The following CLDN16 variants were observed in gnomAD, a reference collection of about 807,000 sequenced individuals.
CLDN16 encodes the protein claudin-16.
A neutral mutation model predicts 24.6 loss-of-function variants in CLDN16; 13 were observed. That is an observed-to-expected ratio of 0.53 (90% CI 0.34 to 0.84). CLDN16 has a LOEUF of 0.84. Ranked by LOEUF, CLDN16 falls within the 40% of genes least tolerant of loss-of-function variation. CLDN16 has a pLI of 0.01. For synonymous variants in CLDN16, 116 were observed against 106.7 expected (o/e 1.09, Z -0.54); for missense variants, 298 against 292.7 (o/e 1.02, Z -0.13).
the CLDN16 span, among the ~76,000 whole-genome samples, chr3:190,296,842 G>A: frequency 4.6e-5 from 7 of 152,202 alleles, no homozygotes; most frequent in East Asian, 1.2e-3. Flanking sequence ...GAGCCACCGC[G>A]CCCGGCCCAG....
At chr3:190,341,849 A>C (rs1473865169) in intron 1 of CLDN16, among the ~76,000 whole-genome samples, 1 of 152,118 alleles carries the variant, frequency 6.6e-6, no homozygotes, top group Non-Finnish European at 1.5e-5. Flanking sequence ...CTTTCACCGG[A>C]TACCCCAAAT....
At chr3:190,314,075 CTG>C in the CLDN16 span, among the ~76,000 whole-genome samples, 1 of 152,120 alleles carries the variant, frequency 6.6e-6, no homozygotes, top group Non-Finnish European at 1.5e-5. Context: ...CTTTAACAAA[CTG>C]TGCTATCTTG....
At chr3:190,388,517 A>G (rs1718568815) in intron 1 of CLDN16, 74 bp downstream of exon 1, 4 of 1,216,574 alleles carry the variant, frequency 3.3e-6, no homozygotes, top group Non-Finnish European at 4.9e-6. Context: ...GCCATGTACA[A>G]CATTCAGTAT....
chr3:190,321,474 C>G (rs57083075), upstream of CLDN16, among the ~76,000 whole-genome samples: 11,250 of 152,138 alleles, frequency 0.074, 557 homozygotes, highest in East Asian at 0.14. Flanking sequence ...TAGGACATTT[C>G]CAGTAGGAAT....
At position 190,398,288 on chromosome 3, in the gene CLDN16, G is replaced by C. The variant is rs373616875; in HGVS notation, c.115-4049G>C. Among the ~76,000 whole-genome samples, 230 of 152,322 alleles carry C rather than the reference G, an allele frequency of 1.5e-3. 1 individual carries two copies. Among genetic ancestry groups the C allele is most frequent in the African/African-American group, 5.2e-3 (217 of 41,556 alleles). ...AACTTTATTCTCTCACAGTTCTGGA[G>C]GCTGGAAGCTTATAATCAAGAAGTT... On this transcript the variant is annotated intron_variant, in intron 1 of 4. Transcript: ENST00000264734.
intron 3 of CLDN16, among the ~76,000 whole-genome samples, chr3:190,405,339 C>T (rs113920520): frequency 0.042 from 6,210 of 149,530 alleles, 195 homozygotes; most frequent in Non-Finnish European, 0.066. Context: ...GCAGGAGAAT[C>T]GCTCGAACCC....
Position 190,392,059 on chromosome 3 carries a change from C to CTTTTTTTTTTTTTTTT in CLDN16, c.114+3618_114+3633dup, listed in dbSNP as rs35220103. 1.1e-3 allele frequency among the ~76,000 whole-genome samples: 138 copies of CTTTTTTTTTTTTTTTT among 126,048 alleles called. 10 individuals are homozygous for CTTTTTTTTTTTTTTTT. Among genetic ancestry groups the CTTTTTTTTTTTTTTTT allele is most frequent in the Middle Eastern group, 4.6e-3 (1 of 216 alleles). The allele number at this position is 126,048 out of a possible 152,430, so 82.7% of individuals were successfully genotyped here. ...AGTTGTTTCTAAGGTCCTTTTCAGT[C>CTTTTTTTTTTTTTTTT]TTTTTTTTTTTTTTTTTAACATCAT... is the stretch of plus-strand genomic sequence containing the variant. On this transcript the variant is annotated intron_variant, in intron 1 of 4. Coordinates refer to ENST00000264734, the MANE Select transcript of CLDN16 (RefSeq NM_006580.4).
chr3:190,340,667 A>G (rs1211777217), intron 1 of CLDN16, among the ~76,000 whole-genome samples: 1 of 152,142 alleles, frequency 6.6e-6, no homozygotes, highest in Non-Finnish European at 1.5e-5. Context: ...TAACATTTCA[A>G]AACCAATCAT....
chr3:190,330,935 A>C (rs1717168712), intron 1 of CLDN16, among the ~76,000 whole-genome samples: 1 of 152,184 alleles, frequency 6.6e-6, no homozygotes, highest in Non-Finnish European at 1.5e-5. Flanking sequence ...CTACCTAAGA[A>C]AGCCTCAGAA....
At chr3:190,319,293 G>A (rs904450472), upstream of CLDN16, among the ~76,000 whole-genome samples, 12 of 152,254 alleles carry the variant, frequency 7.9e-5, no homozygotes, top group African/African-American at 2.9e-4. Flanking sequence ...CCAACTTTCA[G>A]CTACAAGAAT....
the CLDN16 span, chr3:190,308,061 A>C: frequency 1.9e-6 from 1 of 526,494 alleles, no homozygotes; most frequent in African/African-American, 1.9e-5. Context: ...AAATGGAAAA[A>C]TCTTCCCTCC....
intron 1 of CLDN16, among the ~76,000 whole-genome samples, chr3:190,330,951 T>C (rs1717169023): frequency 6.6e-6 from 1 of 152,172 alleles, no homozygotes; most frequent in Non-Finnish European, 1.5e-5. Flanking sequence ...CAGAAACAAC[T>C]GCTTATTCTA....
intron 1 of CLDN16, among the ~76,000 whole-genome samples, chr3:190,348,128 G>A (rs961923614): frequency 6.6e-6 from 1 of 150,562 alleles, no homozygotes; most frequent in Non-Finnish European, 1.5e-5. Context: ...GGTGGCACTT[G>A]CCTGTAATCC....
chr3:190,308,252 A>G, the CLDN16 span: 1 of 1,613,360 alleles, frequency 6.2e-7, no homozygotes, highest in Non-Finnish European at 8.5e-7. Flanking sequence ...TTGTTTCAAC[A>G]TGATTTTCTC....
chr3:190,296,797 G>A, the CLDN16 span, among the ~76,000 whole-genome samples: 4 of 151,992 alleles, frequency 2.6e-5, no homozygotes, highest in Non-Finnish European at 4.4e-5. Flanking sequence ...TGATCCGCCC[G>A]TCTTGGCCTC....
chr3:190,402,255 C>A, intron 1 of CLDN16, 82 bp from the exon 2 acceptor site: 1 of 1,058,520 alleles, frequency 9.4e-7, no homozygotes, highest in Non-Finnish European at 1.5e-6. Flanking sequence ...TCAAACACAA[C>A]CACCAACTTC....
chr3:190,326,784 T>C (rs1717071891), intron 1 of CLDN16, among the ~76,000 whole-genome samples: 1 of 152,118 alleles, frequency 6.6e-6, no homozygotes, highest in African/African-American at 2.4e-5. Context: ...GGGGATGAAA[T>C]TTTAGCCATA....
chr3:190,327,203 A>C (rs1717084383), intron 1 of CLDN16, among the ~76,000 whole-genome samples: 1 of 152,176 alleles, frequency 6.6e-6, no homozygotes, highest in Non-Finnish European at 1.5e-5. Context: ...TAGAGTCTGA[A>C]ATTTTTTAGG....
intron 1 of CLDN16, among the ~76,000 whole-genome samples, chr3:190,340,379 TCA>T (rs1461816166): frequency 1.3e-5 from 2 of 152,144 alleles, no homozygotes; most frequent in East Asian, 3.9e-4. Flanking sequence ...GGCCTCACAA[TCA>T]CAGTCATGGC....
Sources: gnomAD v4.1 joint callset for allele counts (sites outside exome capture counted in the v4.1 genomes callset) on GRCh38, gnomAD v4.1.1 for gene constraint, MANE v1.5 for transcripts, NCBI Gene and HGNC (gene_info 2026-07-23, HGNC 2026-07-21) for gene names.